Variants in MAP3K4 observed in about 807,000 individuals in gnomAD.
MAP3K4 encodes the protein MAP three kinase 1.
A neutral mutation model predicts 185.6 loss-of-function variants in MAP3K4; 67 were observed. The ratio of observed to expected loss-of-function variants is 0.36; its 90% CI spans 0.30 to 0.44. The LOEUF (loss-of-function observed/expected upper bound fraction) is 0.44. MAP3K4 is among the 20% of genes least tolerant of loss of function. The pLI is 1.00. For missense variants in MAP3K4, 1,551 were observed against 1,995.1 expected, an observed-to-expected ratio of 0.78 and a Z score of 4.24; for synonymous variants, 702 against 710.4, an observed-to-expected ratio of 0.99 and a Z score of 0.19.
intron 15 of MAP3K4, among the ~76,000 whole-genome samples, chr6:161,094,792 T>C (rs1297197468): frequency 6.6e-6 from 1 of 152,236 alleles, no homozygotes; most frequent in Non-Finnish European, 1.5e-5. Context: ...TTGAGCATTT[T>C]ATATAAAGCA....
intron 1 of MAP3K4, among the ~76,000 whole-genome samples, chr6:161,030,829 T>C (rs1782893151): frequency 1.3e-5 from 2 of 152,190 alleles, no homozygotes. Context: ...ATGTAGGTGT[T>C]ACTAAGTTGC....
chr6:161,049,203 G>A lies in MAP3K4; in HGVS notation c.931G>A (p.Val311Ile). 6.2e-7 allele frequency: 1 copy of A among 1,614,148 alleles called. No homozygotes were observed. The highest frequency in any genetic ancestry group is 1.3e-5 in the African/African-American group (1 of 75,042). ...AGTCGACTATGGGAGCTTCGCCTTT[G>A]TTAGAGATAGAGCTGGTTTTAATGG... ...FKVDYGSFAF[V>I]RDRAGFNGTS... The change falls in exon 3 of 27, where the codon GTT (valine) becomes ATT (isoleucine). Residue 311 changes from valine (V) to isoleucine (I), a missense_variant. Transcript: ENST00000392142. This position sits in a 1 kb window ranked among gnomAD's most constrained non-coding sequence, Gnocchi z 8.4.
Position 161,037,741 on chromosome 6 carries a change from C to T in MAP3K4, c.343+3292C>T, listed in dbSNP as rs1181649396. ...TTGTAAAGTCAGGATTTCTTCCCAA[C>T]ACTTACTACTTTTTTTCTTGACTTA... On this transcript the variant is annotated intron_variant, in intron 2 of 26. Transcript: ENST00000392142. This position sits in a 1 kb window ranked among gnomAD's most constrained non-coding sequence, Gnocchi z 4.2. Among the ~76,000 whole-genome samples the T allele has an allele frequency of 6.6e-6, 1 of 152,180 alleles. No homozygotes were observed. Among genetic ancestry groups the T allele is most frequent in the Non-Finnish European group, 1.5e-5 (1 of 68,026 alleles).
chr6:161,068,122 A>G (rs905796210), intron 3 of MAP3K4, among the ~76,000 whole-genome samples: 1 of 152,242 alleles, frequency 6.6e-6, no homozygotes. Flanking sequence ...TAAGTTTTAG[A>G]GACCCATAGT....
rs1783595322 is a variant in MAP3K4, at chr6:161,043,713, G to A, written c.344-4903G>A. Among the ~76,000 whole-genome samples the A allele has an allele frequency of 6.6e-6, 1 of 152,236 alleles. No homozygotes were observed. The highest frequency in any genetic ancestry group is 1.5e-5 in the Non-Finnish European group (1 of 68,036). ...ATACGTGCACTTTAGCAGGAACGCA[G>A]TGATTTCGAACATACACTGAAATTT... On this transcript the variant is annotated intron_variant, in intron 2 of 26. Coordinates refer to ENST00000392142, the MANE Select transcript of MAP3K4 (RefSeq NM_005922.4). This position sits in a 1 kb window ranked among gnomAD's most constrained non-coding sequence, Gnocchi z 4.3.
Position 161,103,892 on chromosome 6 carries a change from G to C in MAP3K4, c.3856+1113G>C, listed in dbSNP as rs1777937457. On this transcript the variant is annotated intron_variant, in intron 19 of 26. Coordinates refer to ENST00000392142, the MANE Select transcript of MAP3K4 (RefSeq NM_005922.4). This position sits in a 1 kb window ranked among gnomAD's most constrained non-coding sequence, Gnocchi z 4.6. ...ACAACTTTGGTGCAACCACTGACAA[G>C]CCTGGTGACAGAGTAGGTGTGTGTT... Among the ~76,000 whole-genome samples the C allele has an allele frequency of 6.6e-6, 1 of 152,242 alleles. No individual in the cohort carries two copies. Among genetic ancestry groups the C allele is most frequent in the Non-Finnish European group, 1.5e-5 (1 of 68,042 alleles).
At chr6:161,059,733 A>G (rs1162784008) in intron 3 of MAP3K4, among the ~76,000 whole-genome samples, 1 of 152,066 alleles carries the variant, frequency 6.6e-6, no homozygotes, top group Non-Finnish European at 1.5e-5. Flanking sequence ...TTGTACTCAG[A>G]GATTATTTTA....
chr6:161,105,475 G>A (rs1001756), intron 19 of MAP3K4, among the ~76,000 whole-genome samples: 5,794 of 152,194 alleles, frequency 0.038, 145 homozygotes, highest in South Asian at 0.072. Context: ...CTAGAAAATG[G>A]CGAGGCCAGC....
rs1464781 is a variant in MAP3K4, at chr6:161,100,832, A to G, written c.3675-1060A>G. Among the ~76,000 whole-genome samples, 5,797 of 152,282 alleles carry G rather than the reference A, an allele frequency of 0.038. 147 individuals carry two copies. The highest frequency in any genetic ancestry group is 0.072 in the South Asian group (345 of 4,824). On this transcript the variant is annotated intron_variant, in intron 17 of 26. Coordinates refer to ENST00000392142, the MANE Select transcript of MAP3K4 (RefSeq NM_005922.4). The surrounding 1 kb of genome is among the most constrained non-coding windows in gnomAD (Gnocchi z 5.8). ...GAGTAGGCTTCCTCACTTCAACACC[A>G]GTGGTTTTCCCGTCAGATAGTGCCG...
rs1160119804 is a variant in MAP3K4 at position 161,074,197 on chromosome 6, C to G, written c.2097+585C>G. 1.3e-5 allele frequency among the ~76,000 whole-genome samples: 2 copies of G among 152,204 alleles called. No individual in the cohort carries two copies. Among genetic ancestry groups the G allele is most frequent in the African/African-American group, 4.8e-5 (2 of 41,430 alleles). On this transcript the variant is annotated intron_variant, in intron 5 of 26. Coordinates refer to ENST00000392142, the MANE Select transcript of MAP3K4 (RefSeq NM_005922.4). This position sits in a 1 kb window ranked among gnomAD's most constrained non-coding sequence, Gnocchi z 5.0. ...GGCACTTCCAGTGAGGAAGCTGAAT[C>G]TTAAAAAGATGAGTTAAGGGTTAGT...
chr6:161,014,453 T>C (rs1781989057), intron 1 of MAP3K4, among the ~76,000 whole-genome samples: 4 of 152,224 alleles, frequency 2.6e-5, no homozygotes, highest in Admixed American at 2.6e-4. Flanking sequence ...ATTTGAGAAA[T>C]AGGTGATTAT....
rs1158862608 is a variant in MAP3K4, at chr6:161,115,483, G to T, written c.4806+181G>T. 6.6e-6 allele frequency among the ~76,000 whole-genome samples: 1 copy of T among 152,158 alleles called. No individual in the cohort carries two copies. Among genetic ancestry groups the T allele is most frequent in the Non-Finnish European group, 1.5e-5 (1 of 68,028 alleles). Reference sequence around the variant, plus strand: ...TTTCATTTGGAAAATGTTCATTGAGGTTCTTCCACTTGATCTGTTTTGATG... The same window carrying T: ...TTTCATTTGGAAAATGTTCATTGAGTTTCTTCCACTTGATCTGTTTTGATG... On this transcript the variant is annotated intron_variant, in intron 26 of 26. Coordinates refer to ENST00000392142, the MANE Select transcript of MAP3K4 (RefSeq NM_005922.4). The surrounding 1 kb of genome is among the most constrained non-coding windows in gnomAD (Gnocchi z 6.0).
chr6:161,005,248 C>T (rs895633340), intron 1 of MAP3K4, among the ~76,000 whole-genome samples: 1 of 151,802 alleles, frequency 6.6e-6, no homozygotes, highest in Non-Finnish European at 1.5e-5. Context: ...AAGTGATCCT[C>T]CCACCTCAGC....
At chr6:161,014,253 C>G (rs1055840721) in intron 1 of MAP3K4, among the ~76,000 whole-genome samples, 14 of 152,098 alleles carry the variant, frequency 9.2e-5, no homozygotes, top group South Asian at 2.1e-4. Context: ...AGATTTCTAC[C>G]CCTTTTGTAC....
rs1017560147 is a variant in MAP3K4 at position 161,082,749 on chromosome 6, T to C, written c.2255+1711T>C. On this transcript the variant is annotated intron_variant, in intron 6 of 26. Coordinates refer to ENST00000392142, the MANE Select transcript of MAP3K4 (RefSeq NM_005922.4). The surrounding 1 kb of genome is among the most constrained non-coding windows in gnomAD (Gnocchi z 4.2). ...AATCTGACCTCTGCCTCTCAAGCACTCCACACTTCCACTCTTCCCAGGTTG... is the reference window on the plus strand; with the variant it reads ...AATCTGACCTCTGCCTCTCAAGCACCCCACACTTCCACTCTTCCCAGGTTG... Among the ~76,000 whole-genome samples, 4 of 152,134 alleles carry C rather than the reference T, an allele frequency of 2.6e-5. No homozygotes were observed. Among genetic ancestry groups the C allele is most frequent in the Non-Finnish European group, 5.9e-5 (4 of 68,036 alleles).
chr6:160,992,145 G>T, intron 1 of MAP3K4, 62 bp downstream of exon 1: 1 of 1,450,232 alleles, frequency 6.9e-7, no homozygotes, highest in South Asian at 1.5e-5. Flanking sequence ...GCCCGAACTC[G>T]GTCGGGCCCG....
chr6:161,041,928 T>TTC (rs1554276684), intron 2 of MAP3K4, among the ~76,000 whole-genome samples: 19 of 134,774 alleles, frequency 1.4e-4, no homozygotes, highest in African/African-American at 5.4e-4. Context: ...TTTTTTTTCT[T>TTC]TTTTTTTTTT....
Position 161,073,615 on chromosome 6 carries a change from C to A in MAP3K4, c.2097+3C>A. 2 of 1,606,116 alleles carry A rather than the reference C, an allele frequency of 1.2e-6. No individual in the cohort carries two copies. The highest frequency in any genetic ancestry group is 2.2e-5 in the South Asian group (2 of 89,026). Reference sequence around the variant, plus strand: ...AGGATCTACATAAAATGCTTATGGTCAGAAGCAGTGGGGAGGAATTTTTCT... The same window carrying A: ...AGGATCTACATAAAATGCTTATGGTAAGAAGCAGTGGGGAGGAATTTTTCT... On this transcript the variant is annotated splice_donor_region_variant and intron_variant, in intron 5 of 26. Coordinates refer to ENST00000392142, the MANE Select transcript of MAP3K4 (RefSeq NM_005922.4). This position sits in a 1 kb window ranked among gnomAD's most constrained non-coding sequence, Gnocchi z 4.2.
chr6:161,106,438 T>C lies in MAP3K4; in HGVS notation c.3857-76T>C. The C allele has an allele frequency of 1.9e-6, 2 of 1,062,552 alleles. No individual in the cohort carries two copies. The highest frequency in any genetic ancestry group is 2.7e-6 in the Non-Finnish European group (2 of 727,366). The allele number at this position is 1,062,552 out of a possible 1,614,324, so 65.8% of individuals were successfully genotyped here. A position where few individuals can be genotyped will look rare whatever the true frequency, so the allele number is the denominator to read the frequency against. On this transcript the variant is annotated intron_variant, in intron 19 of 26. Transcript: ENST00000392142. The surrounding 1 kb of genome is among the most constrained non-coding windows in gnomAD (Gnocchi z 4.9). ...TGGAGTGCTAATATATATTGCTCTA[T>C]TTTTATTGGTTTGTCTTTTGGAAAC...
Sources: gnomAD v4.1 joint callset for allele counts (sites outside exome capture counted in the v4.1 genomes callset) on GRCh38, gnomAD v4.1.1 for gene constraint, Gnocchi (gnomAD v3.1) non-coding constraint, MANE v1.5 for transcripts, NCBI Gene and HGNC (gene_info 2026-07-23, HGNC 2026-07-21) for gene names.